Variants in EIF3F observed in about 807,000 individuals in gnomAD.
The protein encoded by EIF3F is deubiquitinating enzyme eIF3f.
EIF3F carries 8 observed loss-of-function variants against 36.0 expected under a neutral mutation model. That is an observed-to-expected ratio of 0.22 (90% confidence interval 0.13 to 0.40). The LOEUF (loss-of-function observed/expected upper bound fraction) is 0.40, where lower values mean the gene tolerates loss of function less well. EIF3F is among the 10% of genes least tolerant of loss of function. EIF3F has a pLI of 1.00. For synonymous variants in EIF3F, 184 were observed against 188.5 expected, an observed-to-expected ratio of 0.98 and a Z score of 0.19; for missense variants, 430 against 467.6, an observed-to-expected ratio of 0.92 and a Z score of 0.74.
At chr11:7,994,556 C>T in intron 5 of EIF3F, 39 bp downstream of exon 5, 5 of 1,580,734 alleles carry the variant, frequency 3.2e-6, no homozygotes, top group Non-Finnish European at 3.5e-6. Context: ...AGGCCATAGG[C>T]ATTTTCAGGG....
intron 1 of EIF3F, among the ~76,000 whole-genome samples, chr11:7,990,900 TAAAA>T (rs983512751): frequency 7.3e-6 from 1 of 136,878 alleles, no homozygotes; most frequent in Admixed American, 7.1e-5. Context: ...AATAAATAAA[TAAAA>T]GAAATACAGC....
At chr11:7,993,629 C>T (rs916793264) in intron 4 of EIF3F, among the ~76,000 whole-genome samples, 5 of 152,158 alleles carry the variant, frequency 3.3e-5, no homozygotes, top group Admixed American at 2.6e-4. Context: ...AAAGGGAAGG[C>T]AGCTGTTAGT....
chr11:7,989,444 A>T (rs1364498056), intron 1 of EIF3F, among the ~76,000 whole-genome samples: 2 of 152,230 alleles, frequency 1.3e-5, no homozygotes, highest in East Asian at 3.8e-4. Context: ...TATAGAGGCA[A>T]TACTTACAGA....
At chr11:7,988,861 G>T (rs1830799855) in intron 1 of EIF3F, among the ~76,000 whole-genome samples, 1 of 152,192 alleles carries the variant, frequency 6.6e-6, no homozygotes, top group African/African-American at 2.4e-5. Context: ...CACACATTAG[G>T]TACAGCTGTT....
chr11:7,987,357 C>G lies in EIF3F; in HGVS notation c.5C>G (p.Ala2Gly), dbSNP rs770212034. 1.3e-6 allele frequency: 2 copies of G among 1,592,286 alleles called. No homozygotes were observed. The highest frequency in any genetic ancestry group is 1.3e-5 in the African/African-American group (1 of 74,572). Residue 2 changes from alanine (A) to glycine (G), a missense_variant, in exon 1 of 8, where the codon GCC becomes GGC. Coordinates refer to ENST00000651655, the MANE Select transcript of EIF3F (RefSeq NM_003754.3). M[A>G]TPAVPVSAPP... ...GCCTCCTTCTTTCTCGACAAGATGGCCACACCGGCGGTACCAGTAAGTGCT... is the reference window on the plus strand; with the variant it reads ...GCCTCCTTCTTTCTCGACAAGATGGGCACACCGGCGGTACCAGTAAGTGCT...
Position 8,000,162 on chromosome 11 carries a change from G to T in EIF3F, c.*4140G>T, listed in dbSNP as rs1239936393. ...TTCAGTGAGCTGAGATTCCGCCACT[G>T]CAGTCCAGCCTGAGCGACAAGAGTG... On this transcript the variant is annotated 3_prime_UTR_variant, in exon 8 of 8. Transcript: ENST00000651655. 2 of 151,706 alleles carry T rather than the reference G, an allele frequency of 1.3e-5. No individual in the cohort carries two copies. Among genetic ancestry groups the T allele is most frequent in the Non-Finnish European group, 2.9e-5 (2 of 68,010 alleles). The allele number at this position is 151,706 out of a possible 1,614,324, so 9.4% of individuals were successfully genotyped here.
At chr11:7,992,559 A>G in intron 3 of EIF3F, 1 of 434,534 alleles carries the variant, frequency 2.3e-6, no homozygotes, top group South Asian at 2.3e-5. Context: ...CCTGAGTGAC[A>G]GAGTGCGACC....
intron 1 of EIF3F, among the ~76,000 whole-genome samples, chr11:7,991,173 C>T (rs963782553): frequency 6.7e-6 from 1 of 148,606 alleles, no homozygotes; most frequent in African/African-American, 2.5e-5. Flanking sequence ...CTAGCCTGGG[C>T]GACAGCAAGA....
chr11:7,994,125 C>G (rs1315490519), intron 4 of EIF3F, among the ~76,000 whole-genome samples: 3 of 152,150 alleles, frequency 2.0e-5, no homozygotes, highest in South Asian at 2.1e-4. Flanking sequence ...ACAGCCAGCT[C>G]TACGGGGTAA....
chr11:7,992,595 T>G (rs572759792), intron 3 of EIF3F: 2 of 468,486 alleles, frequency 4.3e-6, no homozygotes, highest in Non-Finnish European at 3.9e-6. Flanking sequence ...AAAAGGAAAG[T>G]GTGTTACCTG....
At position 7,995,732 on chromosome 11, in the gene EIF3F, C is replaced by T. The variant is rs540974636; in HGVS notation, c.997-213C>T. On this transcript the variant is annotated intron_variant, in intron 7 of 7. Coordinates refer to ENST00000651655, the MANE Select transcript of EIF3F (RefSeq NM_003754.3). Reference sequence around the variant, plus strand: ...ATCCATGGGTTTCAGCTAAGGCACCCCTAGTCTATAAGTGTATCAGTAGAG... The same window carrying T: ...ATCCATGGGTTTCAGCTAAGGCACCTCTAGTCTATAAGTGTATCAGTAGAG... The T allele has an allele frequency of 4.8e-6, 3 of 623,422 alleles. No individual in the cohort carries two copies. The South Asian group carries it at 5.8e-5, about 12-fold the overall frequency. 38.6% of individuals were successfully genotyped at this position (623,422 alleles called of 1,614,324 possible). A position where few individuals can be genotyped will look rare whatever the true frequency, so the allele number is the denominator to read the frequency against.
At position 8,000,477 on chromosome 11, in the gene EIF3F, T is replaced by C. The variant is rs1192982000; in HGVS notation, c.*4455T>C. 1 of 152,152 alleles carries C rather than the reference T, an allele frequency of 6.6e-6. No individual in the cohort carries two copies. The highest frequency in any genetic ancestry group is 1.9e-4 in the East Asian group (1 of 5,182). 9.4% of individuals were successfully genotyped at this position (152,152 alleles called of 1,614,324 possible). A position where few individuals can be genotyped will look rare whatever the true frequency, so the allele number is the denominator to read the frequency against. On this transcript the variant is annotated 3_prime_UTR_variant, in exon 8 of 8. Transcript: ENST00000651655. Reference sequence around the variant, plus strand: ...AGGAGTAGTACGTTCCGGAGACCTGTTGTGCAGCAGGGTGACTAGTTAATG... The same window carrying C: ...AGGAGTAGTACGTTCCGGAGACCTGCTGTGCAGCAGGGTGACTAGTTAATG...
At position 7,994,572 on chromosome 11, in the gene EIF3F, G is replaced by A; in HGVS notation, c.745+55G>A. On this transcript the variant is annotated intron_variant, in intron 5 of 7. Transcript: ENST00000651655. ...GGCCATAGGCATTTTCAGGGAAGGG[G>A]GCTGCTAGTCTGCAACATGGACGGA... The A allele has an allele frequency of 1.9e-6, 3 of 1,538,464 alleles. No homozygotes were observed. The Admixed American group carries it at 5.5e-5, about 28-fold the overall frequency.
intron 1 of EIF3F, 78 bp downstream of exon 1, chr11:7,987,794 T>C (rs1942044972): frequency 1.4e-6 from 2 of 1,386,036 alleles, no homozygotes; most frequent in African/African-American, 1.5e-5. Flanking sequence ...TCATTAATTC[T>C]TTAATTCCTG....
intron 5 of EIF3F, 99 bp from the exon 6 acceptor site, chr11:7,994,883 A>C: frequency 6.6e-7 from 1 of 1,518,696 alleles, no homozygotes; most frequent in South Asian, 1.2e-5. Context: ...AAACAGAGTT[A>C]GTAGGACGTT....
Position 7,996,028 on chromosome 11 carries a change from C to T in EIF3F, c.*6C>T, listed in dbSNP as rs748324069. The T allele has an allele frequency of 1.2e-6, 2 of 1,613,530 alleles. No individual in the cohort carries two copies. Among genetic ancestry groups the T allele is most frequent in the East Asian group, 4.5e-5 (2 of 44,898 alleles). The stretch of plus-strand genomic sequence containing the variant: ...AAAAACTTGTAAACCTGTGAATGGA[C>T]CCCAAGCAGTACACTTGCTGGTCTA... On this transcript the variant is annotated 3_prime_UTR_variant, in exon 8 of 8. Coordinates refer to ENST00000651655, the MANE Select transcript of EIF3F (RefSeq NM_003754.3).
chr11:7,989,240 C>G (rs1048325478), intron 1 of EIF3F, among the ~76,000 whole-genome samples: 3 of 152,332 alleles, frequency 2.0e-5, no homozygotes, highest in East Asian at 1.9e-4. Context: ...TGACACTCAG[C>G]AAATACTTAC....
chr11:7,990,469 C>A (rs1299940746), intron 1 of EIF3F, among the ~76,000 whole-genome samples: 2 of 151,930 alleles, frequency 1.3e-5, no homozygotes, highest in African/African-American at 2.4e-5. Flanking sequence ...AGGGCCTGGC[C>A]TAGAAAAGGA....
In EIF3F at chr11:7,999,869, G is replaced by A. The variant is rs903589256; in HGVS notation, c.*3847G>A. On this transcript the variant is annotated 3_prime_UTR_variant, in exon 8 of 8. Transcript: ENST00000651655. ...ATACTTCCACGTTCACTGAAGCATT[G>A]TTCACAATCGCCAAGACATCAACCT... is the stretch of plus-strand genomic sequence containing the variant. 1 of 152,236 alleles carries A rather than the reference G, an allele frequency of 6.6e-6. No individual in the cohort carries two copies. Among genetic ancestry groups the A allele is most frequent in the Non-Finnish European group, 1.5e-5 (1 of 68,060 alleles). The allele number at this position is 152,236 out of a possible 1,614,324, so 9.4% of individuals were successfully genotyped here.
Sources: gnomAD v4.1 joint callset for allele counts (sites outside exome capture counted in the v4.1 genomes callset) on GRCh38, gnomAD v4.1.1 for gene constraint, MANE v1.5 for transcripts, NCBI Gene and HGNC (gene_info 2026-07-23, HGNC 2026-07-21) for gene names.